CGNL1: variants seen among roughly 807,000 people sequenced by gnomAD.
CGNL1 encodes the protein cingulin-like protein 1.
A neutral mutation model predicts 141.2 loss-of-function variants in CGNL1; 132 were observed. That is an observed-to-expected ratio of 0.93 (90% CI 0.81 to 1.08). The LOEUF (loss-of-function observed/expected upper bound fraction) is 1.08. Among genes scored for constraint, CGNL1 ranks in the 50% least tolerant of loss-of-function variants. The probability of loss-of-function intolerance (pLI) is 0.00; values close to 1 mark genes in which losing one functional copy is unlikely to be tolerated. For synonymous variants in CGNL1, 690 were observed against 622.1 expected (o/e 1.11, Z -1.63); for missense variants, 1,870 against 1,588.6 (o/e 1.18, Z -3.01).
At position 57,461,732 on chromosome 15, in the gene CGNL1, A is replaced by G; in HGVS notation, c.2243A>G (p.Glu748Gly). Residue 748 changes from glutamate (E) to glycine (G), a missense_variant, in exon 8 of 19, where the codon GAG becomes GGG. Coordinates refer to ENST00000281282, the MANE Select transcript of CGNL1 (RefSeq NM_032866.5). ...DLQDLLIAKE[E>G]QEDLLRKRER... ...CAAGATCTGCTGATTGCCAAAGAGG[A>G]GCAAGAAGACCTCTTGAGAAAGCGA... 1 of 1,614,148 alleles carries G rather than the reference A, an allele frequency of 6.2e-7. No homozygotes were observed. The highest frequency in any genetic ancestry group is 1.3e-5 in the African/African-American group (1 of 75,054).
chr15:57,407,401 C>G (rs1170423362), intron 1 of CGNL1: 3 of 152,112 alleles, frequency 2.0e-5, no homozygotes, highest in African/African-American at 7.2e-5. Context: ...TGGCTCATGC[C>G]TGTAATTCCA....
intron 1 of CGNL1, among the ~76,000 whole-genome samples, chr15:57,412,847 T>C (rs1456391062): frequency 1.3e-5 from 2 of 152,142 alleles, no homozygotes; most frequent in Non-Finnish European, 2.9e-5. Context: ...CAGTGCCATC[T>C]CTTAGTATCT....
At position 57,413,153 on chromosome 15, in the gene CGNL1, C is replaced by T. The variant is rs376261082; in HGVS notation, c.-15-24832C>T. The stretch of plus-strand genomic sequence containing the variant: ...GGATTAGGGCGTGAGCCACCACACC[C>T]GGCCTTCTTCTCCTTCTTTCTTTCT... On this transcript the variant is annotated intron_variant, in intron 1 of 18. Transcript: ENST00000281282. Among the ~76,000 whole-genome samples, 109 of 152,174 alleles carry T rather than the reference C, an allele frequency of 7.2e-4. 2 individuals are homozygous for T. In the South Asian group the frequency reaches 0.021, roughly 30 times the overall value.
intron 16 of CGNL1, among the ~76,000 whole-genome samples, chr15:57,545,039 G>GT (rs1268721555): frequency 6.6e-6 from 1 of 152,198 alleles, no homozygotes; most frequent in Non-Finnish European, 1.5e-5. Context: ...CCCGCAGTGT[G>GT]TGGGAGGGAC....
intron 4 of CGNL1, among the ~76,000 whole-genome samples, chr15:57,444,721 A>G (rs2063230374): frequency 6.6e-6 from 1 of 152,198 alleles, no homozygotes; most frequent in Non-Finnish European, 1.5e-5. Flanking sequence ...ATAAAGAGGC[A>G]TGGGTTGCCA....
At chr15:57,403,042 G>T (rs2152254281) in intron 1 of CGNL1, among the ~76,000 whole-genome samples, 1 of 152,338 alleles carries the variant, frequency 6.6e-6, no homozygotes, top group East Asian at 1.9e-4. Context: ...AATGATGTCA[G>T]AAAAGGCCAC....
At chr15:57,481,533 T>C (rs1387242342) in intron 8 of CGNL1, among the ~76,000 whole-genome samples, 1 of 152,238 alleles carries the variant, frequency 6.6e-6, no homozygotes, top group African/African-American at 2.4e-5. Flanking sequence ...TTCCTTTTTA[T>C]TGCTCAGTGG....
chr15:57,490,028 C>G (rs2063836712), intron 8 of CGNL1, among the ~76,000 whole-genome samples: 1 of 152,158 alleles, frequency 6.6e-6, no homozygotes, highest in Non-Finnish European at 1.5e-5. Flanking sequence ...CTGATGGTAA[C>G]TTGGTCACCT....
intron 1 of CGNL1, among the ~76,000 whole-genome samples, chr15:57,379,725 T>C (rs7171637): frequency 0.032 from 4,823 of 152,200 alleles, 252 homozygotes; most frequent in African/African-American, 0.11. Context: ...ATTGGGTAAT[T>C]TTCTCTGAAT....
intron 13 of CGNL1, among the ~76,000 whole-genome samples, chr15:57,530,945 A>G (rs2031917738): frequency 2.0e-5 from 3 of 152,200 alleles, no homozygotes; most frequent in African/African-American, 7.2e-5. Context: ...GAGTTTACTT[A>G]GACCTATGAC....
At chr15:57,440,982 CCTTA>C (rs1420097581) in intron 3 of CGNL1, among the ~76,000 whole-genome samples, 1 of 151,570 alleles carries the variant, frequency 6.6e-6, no homozygotes, top group African/African-American at 2.4e-5. Context: ...GGGTTTCAGC[CCTTA>C]CTTAGATACT....
intron 8 of CGNL1, among the ~76,000 whole-genome samples, chr15:57,492,099 T>G (rs1438900125): frequency 6.6e-6 from 1 of 152,226 alleles, no homozygotes; most frequent in East Asian, 1.9e-4. Context: ...ATTACTTCAT[T>G]TAAGGCTTTT....
At chr15:57,476,673 C>G (rs761914431) in intron 8 of CGNL1, among the ~76,000 whole-genome samples, 1 of 152,140 alleles carries the variant, frequency 6.6e-6, no homozygotes, top group Non-Finnish European at 1.5e-5. Flanking sequence ...AAATGTGGGC[C>G]AGAACAAGTC....
At chr15:57,536,888 G>T (rs1439004065) in intron 14 of CGNL1, among the ~76,000 whole-genome samples, 4 of 152,144 alleles carry the variant, frequency 2.6e-5, no homozygotes, top group Non-Finnish European at 5.9e-5. Context: ...CTATGTCATG[G>T]TCTTAAAGAC....
intron 8 of CGNL1, among the ~76,000 whole-genome samples, chr15:57,509,903 A>G (rs1389499467): frequency 6.6e-6 from 1 of 152,228 alleles, no homozygotes. Context: ...CTTAGATGCC[A>G]TCGGTTTACC....
At chr15:57,402,594 TG>T (rs1358062876) in intron 1 of CGNL1, 1 of 152,282 alleles carries the variant, frequency 6.6e-6, no homozygotes, top group East Asian at 1.9e-4. Flanking sequence ...AAAATTATTT[TG>T]GGTTTTCCGT....
intron 16 of CGNL1, among the ~76,000 whole-genome samples, chr15:57,545,284 C>T (rs887419206): frequency 1.3e-5 from 2 of 152,208 alleles, no homozygotes; most frequent in Admixed American, 6.5e-5. Context: ...CTGGAGTAGA[C>T]CCAAGACATC....
chr15:57,404,396 T>A (rs1304498427), intron 1 of CGNL1, among the ~76,000 whole-genome samples: 12 of 152,260 alleles, frequency 7.9e-5, no homozygotes, highest in African/African-American at 2.7e-4. Context: ...AAGTGAAGAA[T>A]GCAGTTCTAA....
chr15:57,418,598 T>C (rs2062877164), intron 1 of CGNL1, among the ~76,000 whole-genome samples: 1 of 152,168 alleles, frequency 6.6e-6, no homozygotes, highest in African/African-American at 2.4e-5. Context: ...TGGGAAACTG[T>C]CCACAGCTCA....
Sources: allele counts gnomAD v4.1 joint callset (sites outside exome capture counted in the v4.1 genomes callset), GRCh38; gene constraint gnomAD v4.1.1; transcripts MANE v1.5; gene names NCBI Gene and HGNC (gene_info 2026-07-23, HGNC 2026-07-21).